Variants in ARHGAP19 observed in about 807,000 individuals in gnomAD.
The protein encoded by ARHGAP19 is Rho GTPase activating protein 19.
ARHGAP19 carries 48 observed loss-of-function variants against 60.9 expected under a neutral mutation model. The observed-to-expected ratio is 0.79, with a 90% CI of 0.62 to 1.00. ARHGAP19 has a LOEUF of 1.00. Among genes scored for constraint, ARHGAP19 ranks in the 50% least tolerant of loss-of-function variants. ARHGAP19 has a pLI of 0.00. For missense variants in ARHGAP19, 562 were observed against 597.2 expected (o/e 0.94, Z 0.61); for synonymous variants, 209 against 215.5 (o/e 0.97, Z 0.27).
intron 1 of ARHGAP19, 100 bp from the exon 2 acceptor site, chr10:97,266,225 G>A: frequency 7.1e-7 from 1 of 1,405,200 alleles, no homozygotes. Flanking sequence ...CAAAGGCAGA[G>A]GTTTCCTTAT....
chr10:97,244,018 G>A lies in ARHGAP19; in HGVS notation c.1135C>T (p.His379Tyr), dbSNP rs1351291447. The A allele has an allele frequency of 6.2e-7, 1 of 1,613,710 alleles. No homozygotes were observed. The highest frequency in any genetic ancestry group is 2.2e-5 in the East Asian group (1 of 44,896). Residue 379 changes from histidine to tyrosine, a missense_variant, in exon 8 of 12, where the codon CAC becomes TAC. By Grantham distance (83) the His-to-Tyr change is moderately conservative. Coordinates refer to ENST00000358531, the MANE Select transcript of ARHGAP19 (RefSeq NM_032900.6). ...TEEALRELFQHVHDMPESAKK... is the reference protein window; with the variant it reads ...TEEALRELFQYVHDMPESAKK... ...GCTGACTCTGGCATATCATGAACGT[G>A]TTGAAACAGCTCTCTCAGTGCCTCT...
At chr10:97,237,871 CA>C (rs1287916977) in intron 8 of ARHGAP19, among the ~76,000 whole-genome samples, 3 of 145,762 alleles carry the variant, frequency 2.1e-5, no homozygotes, top group African/African-American at 7.6e-5. Context: ...ACTCTATCTC[CA>C]AAAAAAAACA....
chr10:97,264,488 A>G (rs1466520395), intron 3 of ARHGAP19, among the ~76,000 whole-genome samples: 1 of 151,896 alleles, frequency 6.6e-6, no homozygotes, highest in African/African-American at 2.4e-5. Flanking sequence ...TGTTTTAATC[A>G]TAGAATTCTG....
chr10:97,273,119 C>T (rs1166730127), intron 1 of ARHGAP19, among the ~76,000 whole-genome samples: 2 of 152,028 alleles, frequency 1.3e-5, no homozygotes, highest in Non-Finnish European at 2.9e-5. Context: ...GGATTACAGG[C>T]GTGAGCCACA....
At chr10:97,285,053 C>T (rs968641802) in intron 1 of ARHGAP19, among the ~76,000 whole-genome samples, 4 of 151,326 alleles carry the variant, frequency 2.6e-5, no homozygotes, top group Admixed American at 2.0e-4. Context: ...TTAGTAGAGA[C>T]GGGGTTTCAC....
rs886345613 is a variant in ARHGAP19, at chr10:97,260,347, A to G, written c.614-719T>C. Among the ~76,000 whole-genome samples the G allele has an allele frequency of 1.2e-4, 18 of 151,206 alleles. No individual in the cohort carries two copies. The East Asian group carries it at 2.6e-3, about 22-fold the overall frequency. Reference sequence around the variant, plus strand: ...AGATCGAGACCATCCCAGCTAACACAGTGAAACCTGTCTCTACTAAAAATA... The same window carrying G: ...AGATCGAGACCATCCCAGCTAACACGGTGAAACCTGTCTCTACTAAAAATA... On this transcript the variant is annotated intron_variant, in intron 4 of 11. Transcript: ENST00000358531.
chr10:97,238,862 G>A, intron 8 of ARHGAP19, among the ~76,000 whole-genome samples: 1 of 152,188 alleles, frequency 6.6e-6, no homozygotes, highest in South Asian at 2.1e-4. Context: ...GACACACCTA[G>A]AGTAACTTCC....
rs377280717 is a variant in ARHGAP19 at position 97,265,014 on chromosome 10, AC to A, written c.323-109del. The A allele has an allele frequency of 1.1e-5, 9 of 829,268 alleles. No homozygotes were observed. In the African/African-American group the frequency reaches 1.4e-4, roughly 13 times the overall value. 51.4% of individuals were successfully genotyped at this position (829,268 alleles called of 1,614,324 possible). A position where few individuals can be genotyped will look rare whatever the true frequency, so the allele number is the denominator to read the frequency against. On this transcript the variant is annotated intron_variant, in intron 2 of 11. Transcript: ENST00000358531. The stretch of plus-strand genomic sequence containing the variant: ...ATTTTACAATTCAGCAAGCATTTTC[AC>A]ATGGTCAGTAAACAAAAACCTTAGA...
At chr10:97,226,473 G>A (rs191469788) in intron 11 of ARHGAP19, among the ~76,000 whole-genome samples, 31 of 152,208 alleles carry the variant, frequency 2.0e-4, no homozygotes, top group Middle Eastern at 3.4e-3. Context: ...TCATTTGCCC[G>A]AGGACTAATA....
At chr10:97,263,300 G>T in intron 4 of ARHGAP19, 120 bp downstream of exon 4, 1 of 1,047,042 alleles carries the variant, frequency 9.6e-7, no homozygotes, top group Non-Finnish European at 1.4e-6. Context: ...GCAACATCAC[G>T]AAATCTTAAC....
intron 6 of ARHGAP19, among the ~76,000 whole-genome samples, chr10:97,251,471 A>G (rs1589456377): frequency 1.7e-5 from 1 of 59,080 alleles, no homozygotes. Flanking sequence ...AAAAGGAAGG[A>G]GAAGAGGAGG....
At chr10:97,245,583 G>A (rs535594798) in intron 7 of ARHGAP19, among the ~76,000 whole-genome samples, 40 of 122,674 alleles carry the variant, frequency 3.3e-4, no homozygotes, top group African/African-American at 8.8e-4. Flanking sequence ...CCAACAGAGC[G>A]AAACCCTATC....
chr10:97,248,562 T>C (rs1029651917), intron 6 of ARHGAP19, among the ~76,000 whole-genome samples: 5 of 152,168 alleles, frequency 3.3e-5, no homozygotes, highest in Non-Finnish European at 7.3e-5. Flanking sequence ...AATGTTTTAA[T>C]CTATTTCTTT....
intron 9 of ARHGAP19, among the ~76,000 whole-genome samples, chr10:97,233,403 A>T (rs1448429026): frequency 6.6e-6 from 1 of 152,160 alleles, no homozygotes; most frequent in Admixed American, 6.5e-5. Flanking sequence ...TAGGGCAAAA[A>T]TTTTAAATTT....
intron 6 of ARHGAP19, among the ~76,000 whole-genome samples, chr10:97,246,738 T>A (rs772422128): frequency 2.0e-5 from 3 of 152,206 alleles, no homozygotes; most frequent in Non-Finnish European, 4.4e-5. Flanking sequence ...TATCATTTAA[T>A]GTCTGTAATC....
chr10:97,244,180 G>T, intron 7 of ARHGAP19, 21 bp from the exon 8 acceptor site: 1 of 1,564,598 alleles, frequency 6.4e-7, no homozygotes, highest in Non-Finnish European at 8.6e-7. Flanking sequence ...TTTAAAAGAA[G>T]AGTAAATTAA....
Position 97,265,392 on chromosome 10 carries a change from G to A in ARHGAP19, c.322+468C>T, listed in dbSNP as rs149788683. The A allele has an allele frequency of 4.1e-3, 715 of 175,744 alleles. 3 individuals are homozygous for A. Among genetic ancestry groups the A allele is most frequent in the Middle Eastern group, 0.018 (6 of 338 alleles). The allele number at this position is 175,744 out of a possible 1,614,324, so 10.9% of individuals were successfully genotyped here. On this transcript the variant is annotated intron_variant, in intron 2 of 11. Coordinates refer to ENST00000358531, the MANE Select transcript of ARHGAP19 (RefSeq NM_032900.6). The stretch of plus-strand genomic sequence containing the variant: ...TCATGCACCTGTAGTCCCAGCTAGT[G>A]GGAGGCTGAAACAGAAGGAGAGTTT...
intron 9 of ARHGAP19, among the ~76,000 whole-genome samples, chr10:97,232,486 G>T (rs1851043884): frequency 6.6e-6 from 1 of 152,018 alleles, no homozygotes; most frequent in Non-Finnish European, 1.5e-5. Flanking sequence ...TAATGAGGTT[G>T]TTTTTGCTGT....
intron 1 of ARHGAP19, among the ~76,000 whole-genome samples, chr10:97,286,305 G>C (rs1843154030): frequency 6.6e-6 from 1 of 152,148 alleles, no homozygotes; most frequent in Non-Finnish European, 1.5e-5. Context: ...TAACCAAAAG[G>C]CTCAGGCCAG....
Sources: allele counts gnomAD v4.1 joint callset (sites outside exome capture counted in the v4.1 genomes callset), GRCh38; gene constraint gnomAD v4.1.1; transcripts MANE v1.5; gene names NCBI Gene and HGNC (gene_info 2026-07-23, HGNC 2026-07-21).